Variants in LAMB3 observed in about 807,000 individuals in gnomAD.
LAMB3 encodes the protein laminin subunit beta 3.
A neutral mutation model predicts 140.3 loss-of-function variants in LAMB3; 104 were observed. The observed-to-expected ratio is 0.74, with a 90% CI of 0.63 to 0.87. The LOEUF (loss-of-function observed/expected upper bound fraction) is 0.87. Among genes scored for constraint, LAMB3 ranks in the 40% least tolerant of loss-of-function variants. The pLI is 0.00. For missense variants in LAMB3, 1,531 were observed against 1,575.2 expected, an observed-to-expected ratio of 0.97 and a Z score of 0.47; for synonymous variants, 592 against 602.9, an observed-to-expected ratio of 0.98 and a Z score of 0.26.
rs150736643 is a variant in LAMB3 at position 209,623,514 on chromosome 1, G to A, written c.2349C>T (p.Thr783=). The A allele has an allele frequency of 1.2e-6, 2 of 1,614,124 alleles. No individual in the cohort carries two copies. The highest frequency in any genetic ancestry group is 1.7e-6 in the Non-Finnish European group (2 of 1,179,964). Residue 783 remains threonine, a synonymous_variant, in exon 16 of 23, where the codon ACC becomes ACT. Transcript: ENST00000356082. The surrounding 1 kb of genome is among the most constrained non-coding windows in gnomAD (Gnocchi z 4.2). ...CCATGCCCCAAGTCACCTTGTTGAA[G>A]GTGGGTGTCAGGTCAGGCAACGAAG... The part of the protein sequence containing the change: ...EMSSLPDLTP[T]FNKLCGNSRQ...
chr1:209,618,142 C>A (rs1666050012), intron 19 of LAMB3, 94 bp from the exon 20 acceptor site: 8 of 1,498,504 alleles, frequency 5.3e-6, no homozygotes, highest in Non-Finnish European at 7.4e-6. Context: ...AAAAGAACAC[C>A]CTTCCCAGCC....
intron 7 of LAMB3, 55 bp from the exon 8 acceptor site, chr1:209,632,831 G>C: frequency 6.5e-7 from 1 of 1,544,610 alleles, no homozygotes; most frequent in East Asian, 2.3e-5. Flanking sequence ...AATAAAGAAA[G>C]GAAGTTAGAG....
rs200027100 is a variant in LAMB3 at position 209,625,915 on chromosome 1, C to T, written c.1709G>A (p.Gly570Asp). ...TGPRCDQCQR[G>D]YCNRYPVCVA... ...GCACACCGGGTAGCGATTACAGTAG[C>T]CTCGCTGGCACTGGTCACAGCGGGG... The change falls in exon 14 of 23, where the codon GGC becomes GAC. Residue 570 changes from glycine (G) to aspartate (D), a missense_variant. By Grantham distance (94) the Gly-to-Asp change is moderately conservative (BLOSUM62 -1). Transcript: ENST00000356082. The T allele has an allele frequency of 4.3e-6, 7 of 1,613,832 alleles. No homozygotes were observed. Among genetic ancestry groups the T allele is most frequent in the Non-Finnish European group, 5.1e-6 (6 of 1,179,898 alleles).
intron 5 of LAMB3, 64 bp from the exon 6 acceptor site, chr1:209,634,702 C>G: frequency 3.0e-6 from 4 of 1,345,524 alleles, no homozygotes; most frequent in Non-Finnish European, 4.2e-6. Flanking sequence ...GAGACACAAG[C>G]AGAGAGACAG....
At chr1:209,651,831 A>G (rs2076568517) in intron 1 of LAMB3, among the ~76,000 whole-genome samples, 2 of 149,332 alleles carry the variant, frequency 1.3e-5, no homozygotes, top group South Asian at 4.3e-4. Flanking sequence ...GACAGCCACA[A>G]ACTCTTTTGG....
intron 18 of LAMB3, among the ~76,000 whole-genome samples, chr1:209,620,042 G>A (rs1666130738): frequency 6.6e-6 from 1 of 152,190 alleles, no homozygotes; most frequent in South Asian, 2.1e-4. Context: ...ACCTTCTCAA[G>A]AAAGCCTTCC....
In LAMB3 at chr1:209,617,458, G is replaced by A; in HGVS notation, c.3180C>T (p.Ala1060=). 6.2e-7 allele frequency: 1 copy of A among 1,613,336 alleles called. No individual in the cohort carries two copies. The highest frequency in any genetic ancestry group is 1.7e-5 in the Admixed American group (1 of 60,020). The change falls in exon 21 of 23, where the codon GCC becomes GCT. Residue 1060 remains alanine, a synonymous_variant. Transcript: ENST00000356082. Reference sequence around the variant, plus strand: ...CGCTGGCACCTTCCGCAAGCTGCTGGGCCTGGACTGCCTCTGCCCCCTGCT... The same window carrying A: ...CGCTGGCACCTTCCGCAAGCTGCTGAGCCTGGACTGCCTCTGCCCCCTGCT... ...ARQQGAEAVQ[A]QQLAEGASEQ...
At position 209,637,809 on chromosome 1, in the gene LAMB3, C is replaced by T. The variant is rs552204494; in HGVS notation, c.372+99G>A. The T allele has an allele frequency of 4.1e-5, 41 of 991,266 alleles. No individual in the cohort carries two copies. In the South Asian group the frequency reaches 5.0e-4, roughly 12 times the overall value. The allele number at this position is 991,266 out of a possible 1,614,324, so 61.4% of individuals were successfully genotyped here. ...ATATAGGCTCATGGTGAGTGTTGCC[C>T]CAACCCAGAGAGACAAGGACACTGT... On this transcript the variant is annotated intron_variant, in intron 5 of 22. Coordinates refer to ENST00000356082, the MANE Select transcript of LAMB3 (RefSeq NM_000228.3).
intron 1 of LAMB3, chr1:209,651,360 C>G (rs1464382513): frequency 1.9e-5 from 5 of 263,176 alleles, no homozygotes; most frequent in Non-Finnish European, 3.0e-5. Flanking sequence ...AGACCTAGTT[C>G]CAGCCCCAAG....
At chr1:209,619,834 TG>T (rs1165382883) in intron 18 of LAMB3, among the ~76,000 whole-genome samples, 1 of 152,192 alleles carries the variant, frequency 6.6e-6, no homozygotes, top group African/African-American at 2.4e-5. Flanking sequence ...CCATGCCAGG[TG>T]GAAGGACACT....
intron 12 of LAMB3, among the ~76,000 whole-genome samples, 180 bp from the exon 13 acceptor site, chr1:209,627,158 C>T (rs1393962668): frequency 6.6e-6 from 1 of 152,190 alleles, no homozygotes; most frequent in Non-Finnish European, 1.5e-5. Context: ...GAAGTCAAGG[C>T]CCAGCATAGG....
In LAMB3 at chr1:209,615,181, C is replaced by T; in HGVS notation, c.*90G>A. ...TGTACTTTAGGCTGCATGAAAGTCT[C>T]CTGGAGATGGAAAGCATTCCAACCC... On this transcript the variant is annotated 3_prime_UTR_variant, in exon 23 of 23. Transcript: ENST00000356082. 2.6e-6 allele frequency: 4 copies of T among 1,563,516 alleles called. 1 individual carries two copies. Among genetic ancestry groups the T allele is most frequent in the South Asian group, 2.2e-5 (2 of 89,432 alleles).
chr1:209,628,918 A>G (rs968271046), intron 10 of LAMB3, among the ~76,000 whole-genome samples: 18 of 152,168 alleles, frequency 1.2e-4, no homozygotes, highest in African/African-American at 4.3e-4. Context: ...GAGGAAACCG[A>G]GGCTCAGATA....
chr1:209,626,780 T>C (rs1490959097), intron 13 of LAMB3, 87 bp downstream of exon 13: 4 of 932,386 alleles, frequency 4.3e-6, no homozygotes, highest in Non-Finnish European at 6.9e-6. Flanking sequence ...CATCCTGCCC[T>C]GCTGCAGACC....
chr1:209,641,387 G>A (rs766912340), intron 3 of LAMB3, among the ~76,000 whole-genome samples: 14 of 152,278 alleles, frequency 9.2e-5, no homozygotes, highest in African/African-American at 1.7e-4. Context: ...ATGATAAGTA[G>A]TATTAGCCCC....
At position 209,618,480 on chromosome 1, in the gene LAMB3, G is replaced by A. The variant is rs78303595; in HGVS notation, c.2881C>T (p.Arg961Trp). Residue 961 changes from arginine (R) to tryptophan (W), a missense_variant, in exon 19 of 23, where the codon CGG (arginine) becomes TGG (tryptophan). Transcript: ENST00000356082. ...GCTTCCTCAGCCTCAGCCTGCAACC[G>A]GCGGGCACGCGCAATGTCCTGCTTG... ...QTKQDIARAR[R>W]LQAEAEEARS... 2.0e-5 allele frequency: 33 copies of A among 1,614,140 alleles called. No homozygotes were observed. Among genetic ancestry groups the A allele is most frequent in the Middle Eastern group, 1.7e-4 (1 of 6,032 alleles).
rs757611041 is a variant in LAMB3, at chr1:209,625,857, A to G, written c.1767T>C (p.Asp589=). The change falls in exon 14 of 23, where the codon GAT becomes GAC. Residue 589 remains aspartate, a synonymous_variant. Transcript: ENST00000356082. ...GCAGGGCCTGCTCCCGGAGGTCCGC[A>G]TCATAGGTCTGGAAGCAAGGGTGGC... ...VACHPCFQTY[D]ADLREQALRF... is the part of the protein sequence containing the mutation. 9 of 1,614,086 alleles carry G rather than the reference A, an allele frequency of 5.6e-6. No homozygotes were observed. The South Asian group carries it at 9.9e-5, about 18-fold the overall frequency.
Position 209,618,662 on chromosome 1 carries a change from G to A in LAMB3, c.2702-3C>T. 1.4e-6 allele frequency: 2 copies of A among 1,474,278 alleles called. No homozygotes were observed. The highest frequency in any genetic ancestry group is 1.8e-6 in the Non-Finnish European group (2 of 1,120,818). The allele number at this position is 1,474,278 out of a possible 1,614,324, so 91.3% of individuals were successfully genotyped here. A position where few individuals can be genotyped will look rare whatever the true frequency, so the allele number is the denominator to read the frequency against. On this transcript the variant is annotated splice_polypyrimidine_tract_variant and splice_region_variant and intron_variant, in intron 18 of 22. Transcript: ENST00000356082. The stretch of plus-strand genomic sequence containing the variant: ...AGTGGCTGCATCAGTGTCGGGGTCT[G>A]GAAGACAACACGCATTTGACTGTAG...
At chr1:209,639,667 GCACA>G (rs139931753) in intron 3 of LAMB3, among the ~76,000 whole-genome samples, 6 of 150,752 alleles carry the variant, frequency 4.0e-5, no homozygotes, top group South Asian at 2.1e-4. Context: ...ATGCGCACAC[GCACA>G]CACACACACA....
Sources: allele counts gnomAD v4.1 joint callset (sites outside exome capture counted in the v4.1 genomes callset), GRCh38; gene constraint gnomAD v4.1.1; non-coding constraint Gnocchi (gnomAD v3.1); transcripts MANE v1.5; gene names NCBI Gene and HGNC (gene_info 2026-07-23, HGNC 2026-07-21).